PSG6: variants seen among roughly 807,000 people sequenced by gnomAD.
PSG6 encodes pregnancy-specific beta-1-glycoprotein 6.
A neutral mutation model predicts 43.3 loss-of-function variants in PSG6; 51 were observed. That is an observed-to-expected ratio of 1.18 (90% CI 0.94 to 1.49). The LOEUF (loss-of-function observed/expected upper bound fraction) is 1.49. Among genes scored for constraint, PSG6 ranks in the 40% most tolerant of loss-of-function variants. The pLI is 0.00. For missense variants in PSG6, 770 were observed against 522.2 expected (o/e 1.47, Z -4.62); for synonymous variants, 292 against 197.6 (o/e 1.48, Z -4.01).
rs766141620 is a variant in PSG6 at position 42,907,812 on chromosome 19, G to C, written c.749C>G (p.Pro250Arg). The stretch of plus-strand genomic sequence containing the variant: ...GGCTAACACATCCTTCTTCTCCCTG[G>C]GGTTTAAGTTGTTGATGGTGATGTA... ...MPYITINNLN[P>R]REKKDVLAFT... Residue 250 changes from proline (P) to arginine (R), a missense_variant, in exon 4 of 6, where the codon CCC becomes CGC. By Grantham distance (103) the Pro-to-Arg change is moderately radical. Transcript: ENST00000187910. The C allele has an allele frequency of 2.5e-6, 4 of 1,611,524 alleles. No individual in the cohort carries two copies. The highest frequency in any genetic ancestry group is 1.3e-5 in the African/African-American group (1 of 74,802).
intron 2 of PSG6, chr19:42,915,854 C>T (rs1232511526): frequency 5.3e-6 from 3 of 567,406 alleles, no homozygotes; most frequent in Admixed American, 6.7e-5. Flanking sequence ...GCATGAGGTG[C>T]TTGGCTGAGA....
chr19:42,902,389 C>T lies in PSG6; in HGVS notation c.*23G>A, dbSNP rs923443716. On this transcript the variant is annotated 3_prime_UTR_variant, in exon 6 of 6. Coordinates refer to ENST00000187910, the MANE Select transcript of PSG6 (RefSeq NM_001031850.4). ...GAAGGTATCAACCTGTTCTTTTTCT[C>T]AGTGTCTCTATTGTGGCAGCCATTA... 1.9e-6 allele frequency: 3 copies of T among 1,608,676 alleles called. No individual in the cohort carries two copies. In the African/African-American group the frequency reaches 4.0e-5, roughly 22 times the overall value.
At chr19:42,902,902 C>CT (rs947875593) in intron 5 of PSG6, among the ~76,000 whole-genome samples, 2 of 151,606 alleles carry the variant, frequency 1.3e-5, no homozygotes, top group Non-Finnish European at 2.9e-5. Flanking sequence ...TGTGTTACCG[C>CT]TTTTTTCATA....
At chr19:42,906,753 C>A in intron 5 of PSG6, 169 bp downstream of exon 5, 1 of 1,558,752 alleles carries the variant, frequency 6.4e-7, no homozygotes, top group Non-Finnish European at 8.7e-7. Context: ...GAAAAACAAG[C>A]AGAAGAGAGT....
In PSG6 at chr19:42,907,861, G is replaced by C. The variant is rs1166863256; in HGVS notation, c.707-7C>G. 1.2e-6 allele frequency: 2 copies of C among 1,609,764 alleles called. No individual in the cohort carries two copies. The highest frequency in any genetic ancestry group is 1.7e-6 in the Non-Finnish European group (2 of 1,178,672). On this transcript the variant is annotated splice_region_variant and splice_polypyrimidine_tract_variant and intron_variant, in intron 3 of 5. Transcript: ENST00000187910. ...TAAGGCATGGGCAGCTTCGCTGTGT[G>C]GATAACAGAAGATTGTCCTGTGTGG... is the stretch of plus-strand genomic sequence containing the variant.
chr19:42,914,539 G>A (rs1462871524), intron 2 of PSG6, among the ~76,000 whole-genome samples: 1 of 148,094 alleles, frequency 6.8e-6, no homozygotes, highest in East Asian at 2.1e-4. Flanking sequence ...CAGGACCAAA[G>A]AGCCCTGAGA....
intron 2 of PSG6, among the ~76,000 whole-genome samples, chr19:42,913,252 G>A (rs148369639): frequency 1.1e-4 from 16 of 151,612 alleles, no homozygotes; most frequent in African/African-American, 3.4e-4. Flanking sequence ...CTGGGTTCAT[G>A]CCATTCTCCT....
chr19:42,916,836 C>A (rs1162915314), intron 1 of PSG6, among the ~76,000 whole-genome samples: 1 of 151,490 alleles, frequency 6.6e-6, no homozygotes, highest in African/African-American at 2.4e-5. Context: ...TTTCCTGATG[C>A]CTGCTTCAGA....
chr19:42,907,518 T>C, intron 4 of PSG6, 58 bp downstream of exon 4: 3 of 1,602,840 alleles, frequency 1.9e-6, no homozygotes, highest in African/African-American at 1.3e-5. Flanking sequence ...AGGCCTGGCC[T>C]CTGGTCGTTT....
In PSG6 at chr19:42,910,663, T is replaced by A; in HGVS notation, c.623A>T (p.Lys208Met). The change falls in exon 3 of 6, where the codon AAG (lysine) becomes ATG (methionine). Residue 208 changes from lysine to methionine, a missense_variant. Coordinates refer to ENST00000187910, the MANE Select transcript of PSG6 (RefSeq NM_001031850.4). ...NRTLYLFGVT[K>M]YIAGPYECEI... ...ACATTCATAGGGTCCTGCAATATAC[T>A]TTGTGACACCAAATAGATAGAGGGT... 1 of 1,612,372 alleles carries A rather than the reference T, an allele frequency of 6.2e-7. No individual in the cohort carries two copies. Among genetic ancestry groups the A allele is most frequent in the Non-Finnish European group, 8.5e-7 (1 of 1,179,260 alleles).
chr19:42,907,477 T>C, intron 4 of PSG6, 99 bp downstream of exon 4: 4 of 1,561,816 alleles, frequency 2.6e-6, no homozygotes, highest in Non-Finnish European at 2.6e-6. Flanking sequence ...AGAAGTAAAG[T>C]TGTCTATACT....
At chr19:42,907,918 T>G (rs1972150023) in intron 3 of PSG6, 64 bp from the exon 4 acceptor site, 1 of 1,585,150 alleles carries the variant, frequency 6.3e-7, no homozygotes, top group South Asian at 1.2e-5. Context: ...CATCCTTCAT[T>G]CAGAGTTGGC....
At position 42,917,686 on chromosome 19, in the gene PSG6, C is replaced by G. The variant is rs376071869; in HGVS notation, c.64+43G>C. On this transcript the variant is annotated intron_variant, in intron 1 of 5. Transcript: ENST00000187910. ...CTCCAGGATACCCCATCCAGTCACT[C>G]TGCTTCCTCCTCCTGTCCTCTCCCA... is the stretch of plus-strand genomic sequence containing the variant. The G allele has an allele frequency of 3.1e-3, 4,919 of 1,604,274 alleles. 112 individuals are homozygous for G. Among genetic ancestry groups the G allele is most frequent in the Non-Finnish European group, 3.8e-3 (4,447 of 1,173,502 alleles).
rs779507183 is a variant in PSG6, at chr19:42,907,178, T to C, written c.986-2A>G. 6.2e-6 allele frequency: 10 copies of C among 1,610,500 alleles called. 3 individuals carry two copies. Among genetic ancestry groups the C allele is most frequent in the Non-Finnish European group, 8.5e-6 (10 of 1,177,946 alleles). On this transcript the variant is annotated splice_acceptor_variant, in intron 4 of 5. Coordinates refer to ENST00000187910, the MANE Select transcript of PSG6 (RefSeq NM_001031850.4). LOFTEE classifies it high-confidence loss of function. Reference sequence around the variant, plus strand: ...AAATTCTGGGGAGGTCTGGACCATCTGGAGGAAAGAGAATAAAGCCACAGG... The same window carrying C: ...AAATTCTGGGGAGGTCTGGACCATCCGGAGGAAAGAGAATAAAGCCACAGG...
At position 42,917,890 on chromosome 19, in the gene PSG6, G is replaced by A; in HGVS notation, c.-98C>T. ...CAGGTGTGCTGTCCTTCCTCCTTCT[G>A]TGCTGAGCCTCTTCCCAGGGCAGAA... On this transcript the variant is annotated 5_prime_UTR_variant, in exon 1 of 6. Coordinates refer to ENST00000187910, the MANE Select transcript of PSG6 (RefSeq NM_001031850.4). The A allele has an allele frequency of 1.4e-6, 2 of 1,474,106 alleles. No individual in the cohort carries two copies. The highest frequency in any genetic ancestry group is 9.2e-7 in the Non-Finnish European group (1 of 1,087,052). The allele number at this position is 1,474,106 out of a possible 1,614,324, so 91.3% of individuals were successfully genotyped here.
At position 42,916,311 on chromosome 19, in the gene PSG6, ATGTAATGTAATGG is replaced by A; in HGVS notation, c.228_240del (p.Tyr78MetfsTer2). On this transcript the variant is annotated frameshift_variant, in exon 2 of 6. Transcript: ENST00000187910. LOFTEE classifies it high-confidence loss of function. ...ATAATTTGACCGTGTACTACATATG[ATGTAATGTAATGG>A]TAGAGGTCCGTCATTTGCCCTTTGT... 6.2e-7 allele frequency: 1 copy of A among 1,611,992 alleles called. No individual in the cohort carries two copies. Among genetic ancestry groups the A allele is most frequent in the Non-Finnish European group, 8.5e-7 (1 of 1,179,028 alleles).
chr19:42,911,996 T>G (rs1340890378), intron 2 of PSG6, among the ~76,000 whole-genome samples: 1 of 151,650 alleles, frequency 6.6e-6, no homozygotes, highest in Non-Finnish European at 1.5e-5. Flanking sequence ...GTGCCTATAC[T>G]TCATGCAGAT....
intron 5 of PSG6, among the ~76,000 whole-genome samples, chr19:42,903,900 T>G (rs192629575): frequency 6.6e-6 from 1 of 151,590 alleles, no homozygotes; most frequent in East Asian, 1.9e-4. Flanking sequence ...CCTGTCTCTC[T>G]GTCTTAAAAG....
In PSG6 at chr19:42,910,309, T is replaced by G. The variant is rs1302873826; in HGVS notation, c.706+271A>C. 6 of 852,278 alleles carry G rather than the reference T, an allele frequency of 7.0e-6. No homozygotes were observed. In the East Asian group the frequency reaches 1.7e-4, roughly 25 times the overall value. 52.8% of individuals were successfully genotyped at this position (852,278 alleles called of 1,614,324 possible). ...AAGTCCCAGCCAAATCCCCGCTGTG[T>G]TCACTGATCTGGAGCCTGAGACATT... On this transcript the variant is annotated intron_variant, in intron 3 of 5. Coordinates refer to ENST00000187910, the MANE Select transcript of PSG6 (RefSeq NM_001031850.4).
Sources: gnomAD v4.1 joint callset for allele counts (sites outside exome capture counted in the v4.1 genomes callset) on GRCh38, gnomAD v4.1.1 for gene constraint, MANE v1.5 for transcripts, NCBI Gene and HGNC (gene_info 2026-07-23, HGNC 2026-07-21) for gene names.